Variants in NCOA2 observed in about 807,000 individuals in gnomAD.
The protein encoded by NCOA2 is nuclear receptor coactivator 2, also known as class E basic helix-loop-helix protein 75.
NCOA2 carries 21 observed loss-of-function variants against 145.1 expected under a neutral mutation model. That is an observed-to-expected ratio of 0.14 (90% confidence interval 0.10 to 0.21). NCOA2 has a LOEUF of 0.21. Among genes scored for constraint, NCOA2 ranks in the 10% least tolerant of loss-of-function variants. The pLI is 1.00. For missense variants in NCOA2, 1,472 were observed against 1,837.6 expected (o/e 0.80, Z 3.64); for synonymous variants, 619 against 637.5 (o/e 0.97, Z 0.44).
chr8:70,119,977 C>T (rs1807613740), intron 22 of NCOA2, among the ~76,000 whole-genome samples: 1 of 151,780 alleles, frequency 6.6e-6, no homozygotes, highest in Admixed American at 6.6e-5. Context: ...ATAAGTGATT[C>T]TCCCACCTCA....
At chr8:70,301,882 GA>G (rs1397772411) in intron 1 of NCOA2, among the ~76,000 whole-genome samples, 1 of 151,912 alleles carries the variant, frequency 6.6e-6, no homozygotes, top group African/African-American at 2.4e-5. Context: ...AACGCACAGG[GA>G]ACAGAAGAAA....
chr8:70,372,257 C>T (rs1219211945), intron 1 of NCOA2, among the ~76,000 whole-genome samples: 1 of 152,144 alleles, frequency 6.6e-6, no homozygotes, highest in East Asian at 1.9e-4. Context: ...TAAAAAAGCT[C>T]AAAGGTCATC....
chr8:70,163,374 C>T (rs1813262566), intron 8 of NCOA2, 91 bp downstream of exon 8: 3 of 890,544 alleles, frequency 3.4e-6, no homozygotes, highest in East Asian at 2.6e-5. Flanking sequence ...GTACTAGCAT[C>T]CTTACAGTCT....
chr8:70,263,771 G>A (rs1824343322), intron 2 of NCOA2, among the ~76,000 whole-genome samples: 1 of 151,964 alleles, frequency 6.6e-6, no homozygotes, highest in Non-Finnish European at 1.5e-5. Context: ...AGTTAAATGG[G>A]CAAAATATAT....
At chr8:70,188,267 G>A (rs1816299980) in intron 4 of NCOA2, among the ~76,000 whole-genome samples, 2 of 152,228 alleles carry the variant, frequency 1.3e-5, no homozygotes, top group African/African-American at 2.4e-5. Flanking sequence ...TTACATCAAC[G>A]GACAGTGGGC....
chr8:70,306,025 T>C (rs1827860827), intron 1 of NCOA2, among the ~76,000 whole-genome samples: 1 of 152,194 alleles, frequency 6.6e-6, no homozygotes, highest in Admixed American at 6.5e-5. Context: ...GGCCCTACTG[T>C]GTGAGACTAT....
intron 1 of NCOA2, among the ~76,000 whole-genome samples, chr8:70,388,572 C>G (rs769531075): frequency 6.6e-6 from 1 of 152,162 alleles, no homozygotes; most frequent in Non-Finnish European, 1.5e-5. Flanking sequence ...TTTGCCTTCC[C>G]TAAGCGTAAG....
At chr8:70,338,282 A>G (rs1807813015) in intron 1 of NCOA2, among the ~76,000 whole-genome samples, 1 of 152,224 alleles carries the variant, frequency 6.6e-6, no homozygotes, top group South Asian at 2.1e-4. Flanking sequence ...ACCCCACAAA[A>G]TACAACCATT....
intron 2 of NCOA2, among the ~76,000 whole-genome samples, chr8:70,287,375 T>C (rs927604722): frequency 6.6e-6 from 1 of 152,188 alleles, no homozygotes; most frequent in African/African-American, 2.4e-5. Context: ...AACAAAAGAA[T>C]GTACTCTTTT....
At chr8:70,393,559 G>A (rs1361842464) in intron 1 of NCOA2, among the ~76,000 whole-genome samples, 1 of 151,986 alleles carries the variant, frequency 6.6e-6, no homozygotes, top group Admixed American at 6.6e-5. Flanking sequence ...ACAGTGAGAG[G>A]AGGCAGGGAA....
chr8:70,161,409 CATT>C (rs1290118824), intron 9 of NCOA2, among the ~76,000 whole-genome samples: 6 of 152,082 alleles, frequency 3.9e-5, no homozygotes, highest in Non-Finnish European at 7.3e-5. Flanking sequence ...AATGTAGCAT[CATT>C]ATTTCCTTGT....
At chr8:70,159,226 A>ATT (rs1812628225) in intron 10 of NCOA2, among the ~76,000 whole-genome samples, 1 of 72,668 alleles carries the variant, frequency 1.4e-5, no homozygotes, top group Admixed American at 1.5e-4. Flanking sequence ...ATAACATTAT[A>ATT]TATATATATA....
At chr8:70,417,699 G>A in the NCOA2 span, among the ~76,000 whole-genome samples, 1 of 152,174 alleles carries the variant, frequency 6.6e-6, no homozygotes, top group South Asian at 2.1e-4. Context: ...ATTCATGAAA[G>A]ATCTAAGTAA....
intron 2 of NCOA2, among the ~76,000 whole-genome samples, chr8:70,292,788 ACTAAG>A (rs1388849040): frequency 6.6e-6 from 1 of 152,240 alleles, no homozygotes; most frequent in African/African-American, 2.4e-5. Flanking sequence ...AATGAGGAAA[ACTAAG>A]CTAACCGGTT....
Position 70,110,315 on chromosome 8 carries a change from T to C in NCOA2, c.*3317A>G, listed in dbSNP as rs1430903765. 1.0e-5 allele frequency: 2 copies of C among 196,970 alleles called. No individual in the cohort carries two copies. Among genetic ancestry groups the C allele is most frequent in the African/African-American group, 2.3e-5 (1 of 43,344 alleles). The allele number at this position is 196,970 out of a possible 1,614,324, so 12.2% of individuals were successfully genotyped here. On this transcript the variant is annotated 3_prime_UTR_variant, in exon 23 of 23. Coordinates refer to ENST00000452400, the MANE Select transcript of NCOA2 (RefSeq NM_006540.4). ...TACATCGGACAGCTATGTAGGAATA[T>C]ACAAGACTTAAAAACAGATCTAAGG...
intron 1 of NCOA2, among the ~76,000 whole-genome samples, chr8:70,379,318 G>A (rs558391105): frequency 2.6e-5 from 4 of 152,104 alleles, no homozygotes; most frequent in Non-Finnish European, 5.9e-5. Context: ...GATAAGGACG[G>A]GACAAACCCT....
Position 70,249,127 on chromosome 8 carries a change from C to T in NCOA2, c.-19-32363G>A, listed in dbSNP as rs144901671. 7.9e-3 allele frequency among the ~76,000 whole-genome samples: 1,201 copies of T among 152,102 alleles called. 8 individuals are homozygous for T. The highest frequency in any genetic ancestry group is 0.011 in the Non-Finnish European group (762 of 68,008). On this transcript the variant is annotated intron_variant, in intron 2 of 22. Transcript: ENST00000452400. ...AACTGGCTCTAAGAAAGAAAGATAA[C>T]CAGGGTGGGCCTGAGCTAACCATGC... is the stretch of plus-strand genomic sequence containing the variant.
At chr8:70,321,752 C>T (rs1351411211) in intron 1 of NCOA2, among the ~76,000 whole-genome samples, 1 of 131,328 alleles carries the variant, frequency 7.6e-6, no homozygotes, top group Non-Finnish European at 1.6e-5. Context: ...TATTTATAAA[C>T]TTGATTCTTA....
At chr8:70,212,119 G>A (rs925963119) in intron 4 of NCOA2, among the ~76,000 whole-genome samples, 1 of 149,354 alleles carries the variant, frequency 6.7e-6, no homozygotes, top group Non-Finnish European at 1.5e-5. Context: ...AAATGTAGAA[G>A]TACTACCTAA....
Sources: allele counts gnomAD v4.1 joint callset (sites outside exome capture counted in the v4.1 genomes callset), GRCh38; gene constraint gnomAD v4.1.1; transcripts MANE v1.5; gene names NCBI Gene and HGNC (gene_info 2026-07-23, HGNC 2026-07-21).